Variants in COX7B2 observed in about 807,000 individuals in gnomAD.
COX7B2 encodes the protein cytochrome c oxidase subunit 7B2, mitochondrial.
For synonymous variants in COX7B2, 37 were observed against 32.1 expected (o/e 1.15, Z -0.51); for missense variants, 109 against 95.9 (o/e 1.14, Z -0.57).
chr4:46,779,209 T>C (rs1041548176), intron 2 of COX7B2, among the ~76,000 whole-genome samples: 1 of 152,194 alleles, frequency 6.6e-6, no homozygotes, highest in Non-Finnish European at 1.5e-5. Context: ...AAAGAGGCAA[T>C]GCTATTTCCA....
chr4:46,763,183 G>A lies in COX7B2; in HGVS notation c.-49-27942C>T, dbSNP rs536678716. The stretch of plus-strand genomic sequence containing the variant: ...TATTTACAATATATATTTATATACT[G>A]TAAATATATAATATATGATATTATA... On this transcript the variant is annotated intron_variant, in intron 2 of 2. Transcript: ENST00000355591. 1.2e-3 allele frequency among the ~76,000 whole-genome samples: 159 copies of A among 127,740 alleles called. 1 individual carries two copies. The highest frequency in any genetic ancestry group is 4.3e-3 in the African/African-American group (146 of 33,830). The allele number at this position is 127,740 out of a possible 152,430, so 83.8% of individuals were successfully genotyped here.
intron 2 of COX7B2, among the ~76,000 whole-genome samples, chr4:46,772,418 C>T (rs1716927041): frequency 6.6e-6 from 1 of 152,030 alleles, no homozygotes; most frequent in Non-Finnish European, 1.5e-5. Flanking sequence ...TCGAAATTTG[C>T]TGAGAGTAGA....
At chr4:46,790,686 T>C (rs1479587200) in intron 2 of COX7B2, among the ~76,000 whole-genome samples, 1 of 152,190 alleles carries the variant, frequency 6.6e-6, no homozygotes, top group Non-Finnish European at 1.5e-5. Flanking sequence ...GACTTTAGTA[T>C]TCCTGCGGCA....
At chr4:46,844,559 G>A (rs1455905995) in intron 2 of COX7B2, among the ~76,000 whole-genome samples, 4 of 151,950 alleles carry the variant, frequency 2.6e-5, no homozygotes, top group African/African-American at 9.7e-5. Flanking sequence ...TTTAAGACAC[G>A]TGGTGGTCTC....
At chr4:46,808,677 T>C (rs969971720) in intron 2 of COX7B2, among the ~76,000 whole-genome samples, 8 of 151,858 alleles carry the variant, frequency 5.3e-5, no homozygotes, top group African/African-American at 1.9e-4. Context: ...CTGTGGGTTT[T>C]TTATAAAACA....
chr4:46,794,247 T>A (rs1210113529), intron 2 of COX7B2, among the ~76,000 whole-genome samples: 1 of 152,084 alleles, frequency 6.6e-6, no homozygotes, highest in Non-Finnish European at 1.5e-5. Context: ...CAAGTTGGAT[T>A]AGGATGAATA....
chr4:46,782,942 C>A (rs1717561853), intron 2 of COX7B2, among the ~76,000 whole-genome samples: 1 of 151,974 alleles, frequency 6.6e-6, no homozygotes, highest in South Asian at 2.1e-4. Context: ...CGGCTTCATT[C>A]TTGAAGTCAG....
intron 2 of COX7B2, among the ~76,000 whole-genome samples, chr4:46,816,726 G>C (rs115768020): frequency 1.3e-5 from 2 of 152,140 alleles, no homozygotes; most frequent in African/African-American, 4.8e-5. Flanking sequence ...GTCTATGAGG[G>C]ATTCACTTGA....
chr4:46,817,299 T>A (rs1719606342), intron 2 of COX7B2, among the ~76,000 whole-genome samples: 1 of 152,210 alleles, frequency 6.6e-6, no homozygotes, highest in Non-Finnish European at 1.5e-5. Context: ...TTTTCCATTA[T>A]AATAACAATT....
chr4:46,890,619 G>A (rs1274989452), intron 1 of COX7B2, among the ~76,000 whole-genome samples: 1 of 152,180 alleles, frequency 6.6e-6, no homozygotes, highest in Non-Finnish European at 1.5e-5. Flanking sequence ...TATCTGACAA[G>A]CTGACACTTA....
intron 1 of COX7B2, among the ~76,000 whole-genome samples, chr4:46,873,756 G>A (rs1577682715): frequency 6.6e-6 from 1 of 151,890 alleles, no homozygotes; most frequent in East Asian, 1.9e-4. Context: ...GTGCCATGTT[G>A]GTGTGCTGCA....
chr4:46,794,203 T>C (rs1392490379), intron 2 of COX7B2, among the ~76,000 whole-genome samples: 5 of 152,184 alleles, frequency 3.3e-5, no homozygotes, highest in Non-Finnish European at 7.3e-5. Flanking sequence ...AAATGGATGC[T>C]AAAGCTGTGG....
chr4:46,797,495 A>G (rs1183936890), intron 2 of COX7B2, among the ~76,000 whole-genome samples: 2 of 152,192 alleles, frequency 1.3e-5, no homozygotes, highest in Non-Finnish European at 2.9e-5. Context: ...AGCAGGCCGA[A>G]TTCCTTTATT....
At chr4:46,816,297 T>G (rs1441269394) in intron 2 of COX7B2, among the ~76,000 whole-genome samples, 1 of 152,220 alleles carries the variant, frequency 6.6e-6, no homozygotes, top group African/African-American at 2.4e-5. Context: ...GCTTTGTCCT[T>G]TCTGGCCTCT....
intron 2 of COX7B2, among the ~76,000 whole-genome samples, chr4:46,807,203 C>G (rs1307157383): frequency 6.6e-6 from 1 of 151,826 alleles, no homozygotes; most frequent in Non-Finnish European, 1.5e-5. Flanking sequence ...TTTATAATAG[C>G]CATCCTAACA....
chr4:46,751,992 T>G (rs1251845431), intron 2 of COX7B2, among the ~76,000 whole-genome samples: 1 of 152,174 alleles, frequency 6.6e-6, no homozygotes, highest in Non-Finnish European at 1.5e-5. Context: ...GCATTGAATC[T>G]ATAAGTTACC....
At chr4:46,908,180 A>G (rs1478040464) in intron 1 of COX7B2, among the ~76,000 whole-genome samples, 2 of 151,896 alleles carry the variant, frequency 1.3e-5, no homozygotes, top group Non-Finnish European at 2.9e-5. Context: ...TATGCCCCCT[A>G]TGTAGGCCTG....
chr4:46,848,584 A>T lies in COX7B2; in HGVS notation c.-104-3570T>A, dbSNP rs144378704. On this transcript the variant is annotated intron_variant, in intron 1 of 2. Coordinates refer to ENST00000355591, the MANE Select transcript of COX7B2 (RefSeq NM_130902.3). Reference sequence around the variant, plus strand: ...TTCCCATAACTCTTTGAAAGCAATTATTCCTCTATTCATTCACTCAATGAA... The same window carrying T: ...TTCCCATAACTCTTTGAAAGCAATTTTTCCTCTATTCATTCACTCAATGAA... Among the ~76,000 whole-genome samples the T allele has an allele frequency of 7.7e-3, 1,177 of 152,166 alleles. 18 individuals are homozygous for T. The highest frequency in any genetic ancestry group is 0.027 in the African/African-American group (1,134 of 41,548).
In COX7B2 at chr4:46,754,718, G is replaced by GTATATA. The variant is rs1235318797; in HGVS notation, c.-49-19478_-49-19477insTATATA. The stretch of plus-strand genomic sequence containing the variant: ...AATACGTGTGTGTGTGTGTGTGTGT[G>GTATATA]TGTGTGTGTGTATATATATATATAT... On this transcript the variant is annotated intron_variant, in intron 2 of 2. Transcript: ENST00000355591. Among the ~76,000 whole-genome samples the GTATATA allele has an allele frequency of 2.6e-3, 90 of 35,052 alleles. 3 individuals carry two copies. Among genetic ancestry groups the GTATATA allele is most frequent in the Non-Finnish European group, 1.8e-3 (41 of 22,176 alleles). The allele number at this position is 35,052 out of a possible 152,430, so 23.0% of individuals were successfully genotyped here. A position where few individuals can be genotyped will look rare whatever the true frequency, so the allele number is the denominator to read the frequency against.
Sources: allele counts gnomAD v4.1 joint callset (sites outside exome capture counted in the v4.1 genomes callset), GRCh38; gene constraint gnomAD v4.1.1; transcripts MANE v1.5; gene names NCBI Gene and HGNC (gene_info 2026-07-23, HGNC 2026-07-21).